AFF3: variants seen among roughly 807,000 people sequenced by gnomAD.
The protein encoded by AFF3 is ALF transcription elongation factor 3.
A neutral mutation model predicts 129.7 loss-of-function variants in AFF3; 32 were observed. The ratio of observed to expected loss-of-function variants is 0.25; its 90% CI spans 0.19 to 0.33. The LOEUF (loss-of-function observed/expected upper bound fraction) is 0.33, where lower values mean the gene tolerates loss of function less well. Among genes scored for constraint, AFF3 ranks in the 10% least tolerant of loss-of-function variants. The pLI, the probability that AFF3 is intolerant of heterozygous loss-of-function variation, is 1.00. For synonymous variants in AFF3, 644 were observed against 635.4 expected (o/e 1.01, Z -0.20); for missense variants, 1,373 against 1,592.0 (o/e 0.86, Z 2.34).
chr2:99,720,813 T>C (rs771328092), intron 11 of AFF3, among the ~76,000 whole-genome samples: 4 of 152,202 alleles, frequency 2.6e-5, no homozygotes, highest in Non-Finnish European at 4.4e-5. Flanking sequence ...TATTTGTTTT[T>C]AGTGGTTTCT....
intron 13 of AFF3, among the ~76,000 whole-genome samples, chr2:99,611,036 T>C (rs1014401309): frequency 6.6e-6 from 1 of 152,234 alleles, no homozygotes; most frequent in Non-Finnish European, 1.5e-5. Flanking sequence ...TCTTGTTCCA[T>C]CTTCAAGTTC....
intron 7 of AFF3, among the ~76,000 whole-genome samples, chr2:99,886,494 A>C (rs1007710623): frequency 6.6e-6 from 1 of 151,966 alleles, no homozygotes; most frequent in Non-Finnish European, 1.5e-5. Context: ...ACACATTTCC[A>C]TGATGCTCTC....
chr2:99,739,060 GT>G (rs2105096442), intron 10 of AFF3, among the ~76,000 whole-genome samples: 1 of 134,602 alleles, frequency 7.4e-6, no homozygotes, highest in East Asian at 2.2e-4. Flanking sequence ...GTTTTTGGGG[GT>G]TTTTGAGAAA....
At chr2:100,015,556 AT>A (rs1051520242) in intron 4 of AFF3, among the ~76,000 whole-genome samples, 1 of 152,266 alleles carries the variant, frequency 6.6e-6, no homozygotes, top group Non-Finnish European at 1.5e-5. Flanking sequence ...ATTGTTTTAA[AT>A]TTAATGAGTC....
intron 7 of AFF3, among the ~76,000 whole-genome samples, chr2:99,952,278 T>G (rs374762205): frequency 6.6e-6 from 1 of 152,130 alleles, no homozygotes; most frequent in Admixed American, 6.5e-5. Flanking sequence ...GCTCTGACCA[T>G]GTAAGACATG....
At chr2:99,650,012 T>C (rs1434631991) in intron 12 of AFF3, among the ~76,000 whole-genome samples, 3 of 152,218 alleles carry the variant, frequency 2.0e-5, no homozygotes, top group African/African-American at 4.8e-5. Context: ...ATTGCTTTAT[T>C]GTCCTTTCCT....
At chr2:99,876,370 C>T (rs1271896113) in intron 7 of AFF3, among the ~76,000 whole-genome samples, 1 of 152,170 alleles carries the variant, frequency 6.6e-6, no homozygotes, top group African/African-American at 2.4e-5. Flanking sequence ...TTCCATCCTT[C>T]CCGCCTCAGG....
intron 8 of AFF3, among the ~76,000 whole-genome samples, chr2:99,789,558 G>C (rs2105434423): frequency 6.6e-6 from 1 of 151,546 alleles, no homozygotes. Context: ...CAGTATGGCT[G>C]CCCTCTCCCA....
intron 22 of AFF3, 137 bp downstream of exon 22, chr2:99,558,738 G>A: frequency 1.5e-6 from 1 of 686,102 alleles, no homozygotes; most frequent in South Asian, 2.2e-5. Context: ...CACAAGTGTG[G>A]CATAAATGGG....
At chr2:99,914,634 G>A (rs1194837770) in intron 7 of AFF3, among the ~76,000 whole-genome samples, 1 of 152,164 alleles carries the variant, frequency 6.6e-6, no homozygotes, top group African/African-American at 2.4e-5. Context: ...ACATCATGCT[G>A]GCCGTGTGCA....
At chr2:99,743,597 T>G (rs922624664) in intron 10 of AFF3, among the ~76,000 whole-genome samples, 1 of 152,200 alleles carries the variant, frequency 6.6e-6, no homozygotes, top group Admixed American at 6.5e-5. Flanking sequence ...GCCCATGTGT[T>G]TTAATAGCCA....
At chr2:99,945,403 C>T (rs999055336) in intron 7 of AFF3, among the ~76,000 whole-genome samples, 3 of 152,142 alleles carry the variant, frequency 2.0e-5, no homozygotes, top group Admixed American at 2.0e-4. Flanking sequence ...AAAGAGCCTC[C>T]CTGGGTCTCC....
chr2:100,042,862 G>A (rs1202326773), intron 4 of AFF3, among the ~76,000 whole-genome samples: 1 of 152,066 alleles, frequency 6.6e-6, no homozygotes, highest in Non-Finnish European at 1.5e-5. Flanking sequence ...CTTAAACTAA[G>A]AAAATGTTAA....
intron 18 of AFF3, among the ~76,000 whole-genome samples, chr2:99,571,714 T>C (rs1037371096): frequency 6.6e-6 from 1 of 152,234 alleles, no homozygotes; most frequent in Non-Finnish European, 1.5e-5. Context: ...TCACTGAAGA[T>C]TGCCTGATGA....
intron 4 of AFF3, among the ~76,000 whole-genome samples, chr2:100,061,587 T>C (rs1006651970): frequency 1.3e-5 from 2 of 152,164 alleles, no homozygotes; most frequent in South Asian, 4.1e-4. Context: ...CAACACATGC[T>C]GCATGTTTGT....
chr2:99,898,442 G>C (rs1056865686), intron 7 of AFF3, among the ~76,000 whole-genome samples: 44 of 152,180 alleles, frequency 2.9e-4, no homozygotes, highest in African/African-American at 9.7e-4. Context: ...GCTAGCTCTT[G>C]ATGCTGACCA....
chr2:99,853,651 A>G (rs371962208), intron 7 of AFF3, among the ~76,000 whole-genome samples: 2 of 152,188 alleles, frequency 1.3e-5, no homozygotes, highest in Admixed American at 1.3e-4. Flanking sequence ...CATTTTCTAG[A>G]TGCGAAATTT....
At chr2:100,090,346 A>C (rs1366569620) in intron 4 of AFF3, among the ~76,000 whole-genome samples, 1 of 152,202 alleles carries the variant, frequency 6.6e-6, no homozygotes, top group Non-Finnish European at 1.5e-5. Context: ...GATGTGGCAA[A>C]CAGTTGTTAC....
chr2:99,881,970 G>C (rs1204151371), intron 7 of AFF3, among the ~76,000 whole-genome samples: 1 of 152,142 alleles, frequency 6.6e-6, no homozygotes, highest in Non-Finnish European at 1.5e-5. Context: ...AGCTCTGCTG[G>C]GGAGGCACCC....
Sources: gnomAD v4.1 joint callset for allele counts (sites outside exome capture counted in the v4.1 genomes callset) on GRCh38, gnomAD v4.1.1 for gene constraint, MANE v1.5 for transcripts, NCBI Gene and HGNC (gene_info 2026-07-23, HGNC 2026-07-21) for gene names.